Variants in SLIT3 observed in about 807,000 individuals in gnomAD.
SLIT3 encodes slit guidance ligand 3, also known as slit homolog 3 protein.
A neutral mutation model predicts 184.0 loss-of-function variants in SLIT3; 68 were observed. The observed-to-expected ratio is 0.37, with a 90% CI of 0.30 to 0.45. The LOEUF (loss-of-function observed/expected upper bound fraction) is 0.45. SLIT3 is among the 20% of genes least tolerant of loss of function. SLIT3 has a pLI of 1.00. For missense variants in SLIT3, 1,707 were observed against 2,026.0 expected (o/e 0.84, Z 3.02); for synonymous variants, 831 against 828.6 (o/e 1.00, Z -0.05).
chr5:169,288,543 C>A (rs1767235118), intron 1 of SLIT3, among the ~76,000 whole-genome samples: 1 of 152,032 alleles, frequency 6.6e-6, no homozygotes, highest in South Asian at 2.1e-4. Context: ...AGCATGGTAG[C>A]CTTTGCCTTG....
intron 9 of SLIT3, among the ~76,000 whole-genome samples, chr5:168,800,029 T>G (rs1467298255): frequency 6.6e-6 from 1 of 152,130 alleles, no homozygotes; most frequent in Non-Finnish European, 1.5e-5. Context: ...TCAGCCTTCC[T>G]TGACTTGGGA....
intron 12 of SLIT3, among the ~76,000 whole-genome samples, chr5:168,783,551 C>A (rs543508940): frequency 1.3e-5 from 2 of 152,110 alleles, no homozygotes; most frequent in South Asian, 4.2e-4. Flanking sequence ...TTCAGCTTTG[C>A]GAGTACCCAT....
chr5:168,894,178 C>T (rs947795300), intron 4 of SLIT3, among the ~76,000 whole-genome samples: 1 of 152,182 alleles, frequency 6.6e-6, no homozygotes, highest in African/African-American at 2.4e-5. Flanking sequence ...GGCAGAGTAG[C>T]TACCTGGGCA....
chr5:169,089,022 A>AC, intron 4 of SLIT3, among the ~76,000 whole-genome samples: 1 of 62,296 alleles, frequency 1.6e-5, no homozygotes. Context: ...TCCATCTCAA[A>AC]AAAAAAAAAA....
At chr5:168,702,655 G>A (rs1341194005) in intron 26 of SLIT3, among the ~76,000 whole-genome samples, 1 of 148,698 alleles carries the variant, frequency 6.7e-6, no homozygotes, top group East Asian at 2.0e-4. Context: ...AGCATGTAAT[G>A]GCAGCTCCAT....
intron 1 of SLIT3, 43 bp from the exon 2 acceptor site, chr5:169,251,502 AATTACG>A (rs770002966): frequency 7.5e-7 from 1 of 1,324,684 alleles, no homozygotes; most frequent in South Asian, 1.2e-5. Context: ...TGTGGGTTAC[AATTACG>A]GTCTATTTAA....
In SLIT3 at chr5:168,939,051, G is replaced by A. The variant is rs527556747; in HGVS notation, c.414-55715C>T. ...ATGATATGGAAAAATCTCATCACCG[G>A]GTACATAAAACCCTGTAGGCAGCAA... On this transcript the variant is annotated intron_variant, in intron 4 of 35. Coordinates refer to ENST00000519560, the MANE Select transcript of SLIT3 (RefSeq NM_003062.4). Among the ~76,000 whole-genome samples the A allele has an allele frequency of 2.0e-5, 3 of 152,240 alleles. No individual in the cohort carries two copies. In the South Asian group the frequency reaches 6.2e-4, roughly 32 times the overall value.
intron 4 of SLIT3, among the ~76,000 whole-genome samples, chr5:169,136,154 G>A (rs569449726): frequency 6.6e-6 from 1 of 152,196 alleles, no homozygotes; most frequent in Non-Finnish European, 1.5e-5. Context: ...GCCAGCTTGA[G>A]GGGAGGGGGA....
intron 4 of SLIT3, among the ~76,000 whole-genome samples, chr5:169,165,548 AT>A (rs1272802920): frequency 1.3e-5 from 2 of 152,228 alleles, no homozygotes; most frequent in East Asian, 1.9e-4. Context: ...ATACAACCCT[AT>A]TTTTTCACGG....
chr5:168,870,300 G>C (rs1247427010), intron 5 of SLIT3, among the ~76,000 whole-genome samples: 1 of 152,228 alleles, frequency 6.6e-6, no homozygotes, highest in African/African-American at 2.4e-5. Flanking sequence ...CTACAAGAAG[G>C]AAGGGAGAAT....
rs555100502 is a variant in SLIT3 at position 169,196,456 on chromosome 5, A to G, written c.342-2906T>C. 1.2e-4 allele frequency among the ~76,000 whole-genome samples: 18 copies of G among 152,356 alleles called. No homozygotes were observed. The East Asian group carries it at 3.1e-3, about 26-fold the overall frequency. ...GTCTACGCAAGCGTTCAGCACTGCAATAAGAGCATGACAACAGTGATGATA... is the reference window on the plus strand; with the variant it reads ...GTCTACGCAAGCGTTCAGCACTGCAGTAAGAGCATGACAACAGTGATGATA... On this transcript the variant is annotated intron_variant, in intron 3 of 35. Transcript: ENST00000519560.
At chr5:168,883,469 T>A (rs957758463) in intron 4 of SLIT3, 133 bp from the exon 5 acceptor site, 1 of 659,256 alleles carries the variant, frequency 1.5e-6, no homozygotes, top group Non-Finnish European at 2.7e-6. Context: ...CTGTTTGGTC[T>A]CGGGCCCCAG....
chr5:168,782,298 C>T (rs1756003761), intron 12 of SLIT3, among the ~76,000 whole-genome samples: 1 of 152,226 alleles, frequency 6.6e-6, no homozygotes, highest in African/African-American at 2.4e-5. Flanking sequence ...TGACTGCCCT[C>T]CCGACTTAAG....
In SLIT3 at chr5:168,904,758, G is replaced by A. The variant is rs116349759; in HGVS notation, c.414-21422C>T. 4.9e-3 allele frequency among the ~76,000 whole-genome samples: 750 copies of A among 152,310 alleles called. 7 individuals carry two copies. Among genetic ancestry groups the A allele is most frequent in the African/African-American group, 0.017 (707 of 41,566 alleles). On this transcript the variant is annotated intron_variant, in intron 4 of 35. Coordinates refer to ENST00000519560, the MANE Select transcript of SLIT3 (RefSeq NM_003062.4). Reference sequence around the variant, plus strand: ...GAGGGATCAGGCCTCTGGTCTCTGGGGGAGGGCAGTTTGTGCCAGTTTCAG... The same window carrying A: ...GAGGGATCAGGCCTCTGGTCTCTGGAGGAGGGCAGTTTGTGCCAGTTTCAG...
intron 6 of SLIT3, among the ~76,000 whole-genome samples, chr5:168,827,002 G>C (rs1581121927): frequency 1.3e-5 from 2 of 152,198 alleles, no homozygotes; most frequent in Admixed American, 6.5e-5. Flanking sequence ...GACCTCAGGT[G>C]ATCCGCCTGC....
intron 5 of SLIT3, among the ~76,000 whole-genome samples, chr5:168,873,783 AT>A (rs1759627506): frequency 6.6e-6 from 1 of 152,090 alleles, no homozygotes; most frequent in Admixed American, 6.6e-5. Context: ...CCAAGCTCAC[AT>A]AGGTAGTGAG....
chr5:168,779,848 G>A (rs984496696), intron 12 of SLIT3, among the ~76,000 whole-genome samples: 9 of 152,202 alleles, frequency 5.9e-5, no homozygotes, highest in Non-Finnish European at 1.2e-4. Context: ...GGTAACATGG[G>A]GAGATGGCCC....
chr5:169,019,592 T>C (rs75545330), intron 4 of SLIT3, among the ~76,000 whole-genome samples: 2,753 of 152,286 alleles, frequency 0.018, 34 homozygotes, highest in Middle Eastern at 0.054. Context: ...TCAGAAAAAC[T>C]GATGGCTTGG....
At chr5:168,724,917 A>G (rs1035974506) in intron 20 of SLIT3, among the ~76,000 whole-genome samples, 2 of 152,230 alleles carry the variant, frequency 1.3e-5, no homozygotes, top group African/African-American at 4.8e-5. Context: ...TGCAGCAAGC[A>G]AGTGGTTGAG....
Sources: allele counts gnomAD v4.1 joint callset (sites outside exome capture counted in the v4.1 genomes callset), GRCh38; gene constraint gnomAD v4.1.1; transcripts MANE v1.5; gene names NCBI Gene and HGNC (gene_info 2026-07-23, HGNC 2026-07-21).